Variants in FNBP1 observed in about 807,000 individuals in gnomAD.
FNBP1 encodes formin-binding protein 1.
FNBP1 carries 26 observed loss-of-function variants against 90.6 expected under a neutral mutation model. The observed-to-expected ratio is 0.29, with a 90% CI of 0.21 to 0.40. The LOEUF is 0.40. Among genes scored for constraint, FNBP1 ranks in the 10% least tolerant of loss-of-function variants. The pLI, the probability that FNBP1 is intolerant of heterozygous loss-of-function variation, is 1.00. For missense variants in FNBP1, 635 were observed against 768.0 expected, an observed-to-expected ratio of 0.83 and a Z score of 2.05; for synonymous variants, 260 against 265.2, an observed-to-expected ratio of 0.98 and a Z score of 0.19.
intron 6 of FNBP1, among the ~76,000 whole-genome samples, chr9:129,938,541 C>CTTTTTTTTT (rs77369142): frequency 0.038 from 5,297 of 140,038 alleles, 170 homozygotes; most frequent in African/African-American, 0.09. Flanking sequence ...TTTCCTGACT[C>CTTTTTTTTT]TTTTTTTTTT....
intron 6 of FNBP1, among the ~76,000 whole-genome samples, 160 bp from the exon 7 acceptor site, chr9:129,929,855 T>A (rs1247418921): frequency 3.3e-5 from 5 of 152,196 alleles, no homozygotes; most frequent in Admixed American, 3.3e-4. Context: ...TTGAATTGAC[T>A]TTAGGTAAGC....
At chr9:129,951,761 A>T (rs1488176329) in intron 6 of FNBP1, among the ~76,000 whole-genome samples, 1 of 151,968 alleles carries the variant, frequency 6.6e-6, no homozygotes, top group Non-Finnish European at 1.5e-5. Context: ...GACTTCTTAT[A>T]TGGGGGAATT....
the FNBP1 span, among the ~76,000 whole-genome samples, chr9:130,050,943 C>T: frequency 4.7e-5 from 7 of 150,058 alleles, no homozygotes; most frequent in African/African-American, 1.7e-4. Flanking sequence ...CTCTGTCACA[C>T]AGGCTGGAGT....
chr9:129,957,061 T>C lies in FNBP1; in HGVS notation c.513+299A>G, dbSNP rs1290878911. Among the ~76,000 whole-genome samples, 4 of 147,342 alleles carry C rather than the reference T, an allele frequency of 2.7e-5. No homozygotes were observed. The highest frequency in any genetic ancestry group is 6.0e-5 in the Non-Finnish European group (4 of 67,132). On this transcript the variant is annotated intron_variant, in intron 6 of 16. Transcript: ENST00000446176. The surrounding 1 kb of genome is among the most constrained non-coding windows in gnomAD (Gnocchi z 4.3). ...TTTTGTCTTTTTTTTTTTTTGGCGA[T>C]AGTTTCGCTCTTGTTACCCAGGCTG...
chr9:130,001,649 A>T (rs2054868531), intron 1 of FNBP1, among the ~76,000 whole-genome samples: 1 of 152,130 alleles, frequency 6.6e-6, no homozygotes, highest in Admixed American at 6.6e-5. Context: ...TGGGAGGCTG[A>T]GGCAGGTGGC....
intron 1 of FNBP1, among the ~76,000 whole-genome samples, chr9:129,996,041 A>G: frequency 6.6e-6 from 1 of 152,114 alleles, no homozygotes; most frequent in East Asian, 1.9e-4. Flanking sequence ...TGGCAAGGGT[A>G]TGAGGGGGAG....
At chr9:130,051,770 C>T in the FNBP1 span, among the ~76,000 whole-genome samples, 12 of 152,036 alleles carry the variant, frequency 7.9e-5, no homozygotes, top group Non-Finnish European at 1.6e-4. Flanking sequence ...AGATGTCACA[C>T]CACTGCACTC....
At chr9:130,049,225 C>G in the FNBP1 span, among the ~76,000 whole-genome samples, 1 of 152,082 alleles carries the variant, frequency 6.6e-6, no homozygotes, top group South Asian at 2.1e-4. Flanking sequence ...CTGGTGTCCA[C>G]AAAAAATAAA....
At chr9:129,899,080 CTTT>C (rs58059037) in intron 15 of FNBP1, among the ~76,000 whole-genome samples, 5 of 141,962 alleles carry the variant, frequency 3.5e-5, no homozygotes, top group East Asian at 4.1e-4. Context: ...GCTGCTGCAG[CTTT>C]TTTTTTTTTT....
rs527250478 is a variant in FNBP1 at position 129,913,619 on chromosome 9, A to C, written c.1185+2347T>G. 4.7e-3 allele frequency among the ~76,000 whole-genome samples: 714 copies of C among 152,054 alleles called. 6 individuals carry two copies. The highest frequency in any genetic ancestry group is 7.3e-3 in the Non-Finnish European group (496 of 67,972). On this transcript the variant is annotated intron_variant, in intron 11 of 16. Transcript: ENST00000446176. ...AACCCCGTCTCTACTAAAAATACAA[A>C]AATTAGCTGGGTGTGGTGGCGCGCC...
At chr9:130,013,670 T>TA (rs775682887) in intron 1 of FNBP1, 7 of 454,786 alleles carry the variant, frequency 1.5e-5, no homozygotes, top group African/African-American at 2.0e-5. Flanking sequence ...TAATTCATGC[T>TA]AAAAAAAATA....
chr9:129,979,570 T>G (rs1207754588), intron 2 of FNBP1, among the ~76,000 whole-genome samples, 196 bp from the exon 3 acceptor site: 2 of 152,232 alleles, frequency 1.3e-5, no homozygotes, highest in African/African-American at 4.8e-5. Flanking sequence ...TTTTCATCTT[T>G]TGTCTCAAAG....
At chr9:129,943,816 C>A (rs1050289104) in intron 6 of FNBP1, among the ~76,000 whole-genome samples, 2 of 151,626 alleles carry the variant, frequency 1.3e-5, no homozygotes, top group African/African-American at 4.8e-5. Context: ...GACGGTGAAA[C>A]CCTGTCTCTA....
chr9:130,038,446 G>A (rs1330801173), intron 1 of FNBP1, among the ~76,000 whole-genome samples: 1 of 147,296 alleles, frequency 6.8e-6, no homozygotes, highest in Non-Finnish European at 1.5e-5. Context: ...CGCCCAGGGC[G>A]GAGTGCAATG....
At chr9:130,040,626 G>GGA (rs1554884639) in intron 1 of FNBP1, among the ~76,000 whole-genome samples, 3 of 139,204 alleles carry the variant, frequency 2.2e-5, no homozygotes, top group Admixed American at 7.4e-5. Flanking sequence ...CTCCGTCTCA[G>GGA]AAAAAAAAAA....
At chr9:129,901,690 G>A (rs1284123211) in intron 13 of FNBP1, among the ~76,000 whole-genome samples, 1 of 150,290 alleles carries the variant, frequency 6.7e-6, no homozygotes, top group Admixed American at 6.6e-5. Flanking sequence ...GGTGGGTGGA[G>A]CATCTGAGGT....
chr9:130,011,243 A>AAAAAAAAAAAAATATATAT (rs1554854971), intron 1 of FNBP1, among the ~76,000 whole-genome samples: 1 of 42,248 alleles, frequency 2.4e-5, no homozygotes, highest in African/African-American at 1.0e-4. Context: ...AAAAAAAAAA[A>AAAAAAAAAAAAATATATAT]ATATATATAT....
chr9:129,906,873 T>C (rs1588437220), intron 12 of FNBP1, among the ~76,000 whole-genome samples: 2 of 152,064 alleles, frequency 1.3e-5, no homozygotes, highest in Admixed American at 6.6e-5. Flanking sequence ...TCTGACTCCC[T>C]GGTTGAAGGG....
chr9:129,929,811 A>G (rs760059541), intron 6 of FNBP1, 116 bp from the exon 7 acceptor site: 113 of 890,244 alleles, frequency 1.3e-4, no homozygotes, highest in Non-Finnish European at 1.8e-4. Context: ...ATTTACCTCA[A>G]ATGTATTCCG....
Sources: allele counts gnomAD v4.1 joint callset (sites outside exome capture counted in the v4.1 genomes callset), GRCh38; gene constraint gnomAD v4.1.1; non-coding constraint Gnocchi (gnomAD v3.1); transcripts MANE v1.5; gene names NCBI Gene and HGNC (gene_info 2026-07-23, HGNC 2026-07-21).